The following PATJ variants were observed in gnomAD, a reference collection of about 807,000 sequenced individuals.
PATJ encodes inaD-like protein.
Under a neutral mutation model 224.9 loss-of-function variants are expected in PATJ, and 190 were observed. The ratio of observed to expected loss-of-function variants is 0.84; its 90% CI spans 0.75 to 0.95. PATJ has a LOEUF of 0.95. Among genes scored for constraint, PATJ ranks in the 40% least tolerant of loss-of-function variants. The pLI is 0.00. For synonymous variants in PATJ, 769 were observed against 820.3 expected, an observed-to-expected ratio of 0.94 and a Z score of 1.07; for missense variants, 2,121 against 2,270.3, an observed-to-expected ratio of 0.93 and a Z score of 1.34.
intron 25 of PATJ, among the ~76,000 whole-genome samples, chr1:61,911,266 T>G (rs1235879173): frequency 2.0e-5 from 3 of 152,208 alleles, no homozygotes; most frequent in African/African-American, 7.2e-5. Flanking sequence ...CAGGCTGGAA[T>G]GCAGTGGTGT....
chr1:62,091,997 A>C (rs1418699320), intron 33 of PATJ, among the ~76,000 whole-genome samples: 3 of 150,572 alleles, frequency 2.0e-5, no homozygotes, highest in Admixed American at 1.3e-4. Flanking sequence ...CGGAGGTTGC[A>C]GTGAGCCGAG....
chr1:62,118,423 A>C (rs1432115955), intron 37 of PATJ, among the ~76,000 whole-genome samples: 1 of 152,174 alleles, frequency 6.6e-6, no homozygotes, highest in African/African-American at 2.4e-5. Flanking sequence ...TACACAGAGG[A>C]GGTTCCATTG....
At chr1:61,982,118 G>A (rs1644484311) in intron 27 of PATJ, among the ~76,000 whole-genome samples, 1 of 152,024 alleles carries the variant, frequency 6.6e-6, no homozygotes, top group South Asian at 2.1e-4. Flanking sequence ...GGAAGTGGGG[G>A]CAGGGGGCTT....
intron 27 of PATJ, among the ~76,000 whole-genome samples, chr1:61,965,862 C>T (rs1008655920): frequency 6.6e-6 from 1 of 152,074 alleles, no homozygotes; most frequent in Non-Finnish European, 1.5e-5. Flanking sequence ...GGAACACTCA[C>T]CTAGGAATTT....
At chr1:61,748,237 C>T (rs1645125391) in intron 1 of PATJ, among the ~76,000 whole-genome samples, 1 of 142,730 alleles carries the variant, frequency 7.0e-6, no homozygotes, top group South Asian at 2.2e-4. Context: ...GTGTATACTG[C>T]CTTAATGCCT....
chr1:61,990,765 A>C (rs1021754085), intron 28 of PATJ, among the ~76,000 whole-genome samples: 1 of 152,136 alleles, frequency 6.6e-6, no homozygotes, highest in African/African-American at 2.4e-5. Flanking sequence ...GAAGTGGGGA[A>C]GATGTTAGAG....
chr1:61,950,894 C>T (rs1050351151), intron 27 of PATJ, among the ~76,000 whole-genome samples: 18 of 152,210 alleles, frequency 1.2e-4, no homozygotes, highest in Middle Eastern at 6.8e-3. Context: ...TGCCTGTAAA[C>T]CTAGCACTTT....
At position 61,864,312 on chromosome 1, in the gene PATJ, T is replaced by C; in HGVS notation, c.2514T>C (p.His838=). ...TTCTAGATCTGGGAAAGTCTTTCCATTCCCAACAAAAAGAGATAGAGCAAA... is the reference window on the plus strand; with the variant it reads ...TTCTAGATCTGGGAAAGTCTTTCCACTCCCAACAAAAAGAGATAGAGCAAA... The part of the protein sequence containing the change: ...EPFLDLGKSF[H]SQQKEIEQSK... The change falls in exon 20 of 44, where the codon CAT becomes CAC. Residue 838 remains histidine (H), a synonymous_variant. Coordinates refer to ENST00000642238, the MANE Select transcript of PATJ (RefSeq NM_001350145.3). 1 of 1,613,980 alleles carries C rather than the reference T, an allele frequency of 6.2e-7. No homozygotes were observed. Among genetic ancestry groups the C allele is most frequent in the Non-Finnish European group, 8.5e-7 (1 of 1,179,848 alleles).
intron 17 of PATJ, among the ~76,000 whole-genome samples, chr1:61,843,975 G>A (rs1261544130): frequency 6.6e-6 from 1 of 152,156 alleles, no homozygotes; most frequent in Non-Finnish European, 1.5e-5. Context: ...TCCAGGTATT[G>A]TTCTAGGCAT....
chr1:61,763,054 A>G lies in PATJ; in HGVS notation c.64A>G (p.Lys22Glu). The G allele has an allele frequency of 6.2e-7, 1 of 1,611,262 alleles. No homozygotes were observed. Among genetic ancestry groups the G allele is most frequent in the Non-Finnish European group, 8.5e-7 (1 of 1,178,310 alleles). The change falls in exon 3 of 44, where the codon AAA becomes GAA. Residue 22 changes from lysine to glutamate, a missense_variant. Transcript: ENST00000642238. ...VLQVLDRLKM[K>E]LQEKGDTSQN... The stretch of plus-strand genomic sequence containing the variant: ...GCAGGTACTTGATCGCCTGAAAATG[A>G]AATTGCAGGAGAAGGGTGACACGTC...
chr1:62,117,758 T>C (rs1053802108), intron 37 of PATJ, among the ~76,000 whole-genome samples: 2 of 101,206 alleles, frequency 2.0e-5, no homozygotes, highest in African/African-American at 9.6e-5. Flanking sequence ...GTAAGTGCCA[T>C]TTTTTTTTAG....
At chr1:62,080,967 A>G (rs1406042432) in intron 32 of PATJ, among the ~76,000 whole-genome samples, 1 of 152,216 alleles carries the variant, frequency 6.6e-6, no homozygotes, top group Non-Finnish European at 1.5e-5. Context: ...AGAAAATTTT[A>G]TTAAAATATT....
intron 30 of PATJ, among the ~76,000 whole-genome samples, chr1:62,043,009 G>T (rs1651814633): frequency 6.6e-6 from 1 of 152,160 alleles, no homozygotes; most frequent in African/African-American, 2.4e-5. Flanking sequence ...GAACAAAATT[G>T]TTTCATGTAG....
At chr1:61,772,334 G>C (rs562897633) in intron 6 of PATJ, among the ~76,000 whole-genome samples, 124 of 151,786 alleles carry the variant, frequency 8.2e-4, no homozygotes, top group Middle Eastern at 3.4e-3. Context: ...AATTATAAGG[G>C]GATTTATGAC....
In PATJ at chr1:61,763,100, T is replaced by C. The variant is rs377563246; in HGVS notation, c.110T>C (p.Met37Thr). Reference protein sequence around the residue: ...GDTSQNEKLSMFYETLKSPLF... With the variant: ...GDTSQNEKLSTFYETLKSPLF... ...ACGTCGCAGAATGAGAAGTTATCTA[T>C]GTTTTATGAGACACTAAAGAGTCCT... Residue 37 changes from methionine to threonine, a missense_variant, in exon 3 of 44, where the codon ATG becomes ACG. Transcript: ENST00000642238. 15 of 1,611,244 alleles carry C rather than the reference T, an allele frequency of 9.3e-6. No homozygotes were observed. The African/African-American group carries it at 1.6e-4, about 17-fold the overall frequency.
intron 16 of PATJ, among the ~76,000 whole-genome samples, chr1:61,832,684 A>G (rs1659551321): frequency 6.6e-6 from 1 of 152,196 alleles, no homozygotes; most frequent in South Asian, 2.1e-4. Flanking sequence ...ACTCTGTGGT[A>G]GCCCTCACAG....
chr1:62,006,100 TTTTTG>T (rs71582658), intron 28 of PATJ, among the ~76,000 whole-genome samples: 22,092 of 151,934 alleles, frequency 0.15, 1,978 homozygotes, highest in Non-Finnish European at 0.21. Context: ...TTCTTTTCTT[TTTTTG>T]TTTTGTTTTG....
At chr1:62,157,272 G>C (rs189655846) in intron 43 of PATJ, among the ~76,000 whole-genome samples, 7,391 of 143,604 alleles carry the variant, frequency 0.051, 397 homozygotes, top group Middle Eastern at 0.12. Flanking sequence ...TGCAGTGAGC[G>C]GAGATTACAC....
At chr1:62,034,374 T>C (rs1445541575) in intron 29 of PATJ, among the ~76,000 whole-genome samples, 1 of 132,682 alleles carries the variant, frequency 7.5e-6, no homozygotes, top group African/African-American at 2.9e-5. Context: ...ACCTGGGAGG[T>C]GGAGGCTGCA....
Sources: gnomAD v4.1 joint callset for allele counts (sites outside exome capture counted in the v4.1 genomes callset) on GRCh38, gnomAD v4.1.1 for gene constraint, MANE v1.5 for transcripts, NCBI Gene and HGNC (gene_info 2026-07-23, HGNC 2026-07-21) for gene names.